Variants in FLVCR2 observed in about 807,000 individuals in gnomAD.
FLVCR2 encodes the protein FLVCR choline and putative heme transporter 2.
FLVCR2 carries 38 observed loss-of-function variants against 48.9 expected under a neutral mutation model. The ratio of observed to expected loss-of-function variants is 0.78; its 90% CI spans 0.60 to 1.02. The LOEUF is 1.02. Ranked by LOEUF, FLVCR2 falls within the 50% of genes least tolerant of loss-of-function variation. The pLI is 0.00. For missense variants in FLVCR2, 664 were observed against 663.3 expected (o/e 1.00, Z -0.01); for synonymous variants, 255 against 257.0 (o/e 0.99, Z 0.07).
chr14:75,621,504 G>T (rs1355964098), intron 1 of FLVCR2, among the ~76,000 whole-genome samples: 1 of 152,024 alleles, frequency 6.6e-6, no homozygotes, highest in African/African-American at 2.4e-5. Context: ...TCTCCTATGT[G>T]TATAAATTTA....
chr14:75,581,061 A>T (rs139781703), intron 1 of FLVCR2, among the ~76,000 whole-genome samples: 1 of 152,160 alleles, frequency 6.6e-6, no homozygotes, highest in African/African-American at 2.4e-5. Flanking sequence ...GATTAGGGGC[A>T]GCGTGGGAAC....
Position 75,596,190 on chromosome 14 carries a change from G to T in FLVCR2, c.669+16549G>T, listed in dbSNP as rs112062209. The T allele has an allele frequency of 1.2e-5, 9 of 722,794 alleles. No individual in the cohort carries two copies. In the Admixed American group the frequency reaches 1.5e-4, roughly 12 times the overall value. The allele number at this position is 722,794 out of a possible 1,614,324, so 44.8% of individuals were successfully genotyped here. A position where few individuals can be genotyped will look rare whatever the true frequency, so the allele number is the denominator to read the frequency against. On this transcript the variant is annotated intron_variant, in intron 1 of 9. Coordinates refer to ENST00000238667, the MANE Select transcript of FLVCR2 (RefSeq NM_017791.3). The stretch of plus-strand genomic sequence containing the variant: ...GATCATGAACTTTCTAGTGTGGATA[G>T]TTACTGTGTCGTTCATGATGGTGGT...
intron 1 of FLVCR2, among the ~76,000 whole-genome samples, chr14:75,583,993 G>A (rs74248913): frequency 0.23 from 34,790 of 152,126 alleles, 4,219 homozygotes; most frequent in East Asian, 0.32. Context: ...GGAACATTGG[G>A]TTTGGGCTCC....
chr14:75,637,150 C>A lies in FLVCR2; in HGVS notation c.1124+2137C>A, dbSNP rs188085392. Among the ~76,000 whole-genome samples, 1,099 of 152,366 alleles carry A rather than the reference C, an allele frequency of 7.2e-3. 10 individuals carry two copies. The highest frequency in any genetic ancestry group is 9.1e-3 in the Non-Finnish European group (617 of 68,042). The stretch of plus-strand genomic sequence containing the variant: ...AGCAGAAGGGACACAGGTTTCAAAT[C>A]CAGCTTTGAGTTCACATCTCAGCTC... On this transcript the variant is annotated intron_variant, in intron 5 of 9. Transcript: ENST00000238667.
intron 1 of FLVCR2, chr14:75,596,235 G>T: frequency 1.6e-6 from 1 of 628,008 alleles, no homozygotes; most frequent in Non-Finnish European, 2.9e-6. Flanking sequence ...GACAGCCAGG[G>T]AGGAAAAGCA....
At chr14:75,599,418 A>G (rs192364414) in intron 1 of FLVCR2, among the ~76,000 whole-genome samples, 13 of 152,302 alleles carry the variant, frequency 8.5e-5, no homozygotes, top group African/African-American at 2.9e-4. Flanking sequence ...AAAGTCAAGT[A>G]TATTGGAAAC....
intron 4 of FLVCR2, among the ~76,000 whole-genome samples, chr14:75,634,052 A>G (rs1157693940): frequency 6.6e-6 from 1 of 151,930 alleles, no homozygotes; most frequent in East Asian, 1.9e-4. Context: ...ACATGTATTT[A>G]TTATACAGCA....
rs1035882906 is a variant in FLVCR2, at chr14:75,640,765, T to C, written c.1236-190T>C. 361 of 634,494 alleles carry C rather than the reference T, an allele frequency of 5.7e-4. 1 individual carries two copies. The highest frequency in any genetic ancestry group is 1.2e-4 in the Non-Finnish European group (42 of 352,112). 39.3% of individuals were successfully genotyped at this position (634,494 alleles called of 1,614,324 possible). A position where few individuals can be genotyped will look rare whatever the true frequency, so the allele number is the denominator to read the frequency against. ...AGCACAAGGTCTCCCTGTGAACTTC[T>C]TCCTGGCCTTCAGGGGTGCCCGTCT... On this transcript the variant is annotated intron_variant, in intron 6 of 9. Transcript: ENST00000238667.
chr14:75,606,034 T>A (rs1487278443), intron 1 of FLVCR2: 1 of 201,770 alleles, frequency 5.0e-6, no homozygotes, highest in African/African-American at 2.3e-5. Context: ...TTGTTTCGTT[T>A]TTTGAAACAG....
intron 1 of FLVCR2, among the ~76,000 whole-genome samples, chr14:75,606,958 A>G (rs76686151): frequency 6.6e-6 from 1 of 151,938 alleles, no homozygotes; most frequent in South Asian, 2.1e-4. Context: ...AAAAAAAAAA[A>G]GCAAATTCCT....
At chr14:75,636,311 G>A (rs1890165958) in intron 5 of FLVCR2, among the ~76,000 whole-genome samples, 1 of 152,146 alleles carries the variant, frequency 6.6e-6, no homozygotes, top group Admixed American at 6.5e-5. Context: ...CATCCCTAGG[G>A]AGGTGGCGAC....
At chr14:75,625,478 T>C (rs1340383729) in intron 3 of FLVCR2, among the ~76,000 whole-genome samples, 1 of 152,006 alleles carries the variant, frequency 6.6e-6, no homozygotes, top group East Asian at 1.9e-4. Context: ...CAGAGCCTCA[T>C]AGCATTCCAC....
chr14:75,634,916 G>T lies in FLVCR2; in HGVS notation c.1027G>T (p.Glu343Ter). The T allele has an allele frequency of 1.2e-6, 2 of 1,612,078 alleles. No homozygotes were observed. Among genetic ancestry groups the T allele is most frequent in the South Asian group, 1.1e-5 (1 of 90,944 alleles). ...GGGGTTATGGTTTCCCCAGGGGGAA[G>T]AAGTGAATGCTGGAAGAATTGGCCT... ...RMVIWHYPGE[E>*]VNAGRIGLTI... is the part of the protein sequence containing the mutation. The change falls in exon 5 of 10, where the codon GAA becomes TAA. Residue 343 changes from glutamate (E) to a stop codon, truncating the protein, a stop_gained. Coordinates refer to ENST00000238667, the MANE Select transcript of FLVCR2 (RefSeq NM_017791.3). LOFTEE classifies it high-confidence loss of function.
chr14:75,609,206 G>T (rs1487531535), intron 1 of FLVCR2, among the ~76,000 whole-genome samples: 1 of 152,314 alleles, frequency 6.6e-6, no homozygotes, highest in East Asian at 1.9e-4. Context: ...GAAGGTCCCT[G>T]TTGGCAATAG....
intron 2 of FLVCR2, among the ~76,000 whole-genome samples, chr14:75,624,051 CAA>C (rs113146700): frequency 2.0e-5 from 3 of 146,958 alleles, no homozygotes; most frequent in African/African-American, 7.5e-5. Context: ...GACTTCGTCT[CAA>C]AAAAAAAAGA....
In FLVCR2 at chr14:75,642,035, A is replaced by G. The variant is rs149829949; in HGVS notation, c.1509+137A>G. On this transcript the variant is annotated intron_variant, in intron 9 of 9. Transcript: ENST00000238667. ...GCTGGGAGACCAGTTCATCCCTTACACATGGCATCCTAAGACTTTCCTCAG... is the reference window on the plus strand; with the variant it reads ...GCTGGGAGACCAGTTCATCCCTTACGCATGGCATCCTAAGACTTTCCTCAG... The G allele has an allele frequency of 3.3e-5, 26 of 778,190 alleles. No homozygotes were observed. The East Asian group carries it at 6.3e-4, about 19-fold the overall frequency. The allele number at this position is 778,190 out of a possible 1,614,324, so 48.2% of individuals were successfully genotyped here.
In FLVCR2 at chr14:75,579,093, A is replaced by G. The variant is rs1888527483; in HGVS notation, c.121A>G (p.Ile41Val). 6.2e-7 allele frequency: 1 copy of G among 1,613,824 alleles called. No individual in the cohort carries two copies. Among genetic ancestry groups the G allele is most frequent in the Non-Finnish European group, 8.5e-7 (1 of 1,179,876 alleles). The change falls in exon 1 of 10, where the codon ATC (isoleucine) becomes GTC (valine). Residue 41 changes from isoleucine to valine, a missense_variant. By Grantham distance (29) the Ile-to-Val change is conservative. Transcript: ENST00000238667. The stretch of plus-strand genomic sequence containing the variant: ...CGTCTCGGTCCATCCCAGCGTCTCC[A>G]TCAACCCCAGCGTCTCTGTCCACCC... ...PSVSVHPSVS[I>V]NPSVSVHPSS... is the part of the protein sequence containing the mutation.
chr14:75,616,047 A>AAAAAAAAAAAAAG (rs1259725425), intron 1 of FLVCR2, among the ~76,000 whole-genome samples: 1 of 148,150 alleles, frequency 6.7e-6, no homozygotes, highest in Non-Finnish European at 1.5e-5. Flanking sequence ...AAAAAAAAAA[A>AAAAAAAAAAAAAG]ATAGCGTAAG....
At chr14:75,623,918 G>A (rs1426214451) in intron 2 of FLVCR2, among the ~76,000 whole-genome samples, 1 of 152,184 alleles carries the variant, frequency 6.6e-6, no homozygotes, top group Non-Finnish European at 1.5e-5. Context: ...AGGCATTGGT[G>A]GTGTATGCCT....
Sources: gnomAD v4.1 joint callset for allele counts (sites outside exome capture counted in the v4.1 genomes callset) on GRCh38, gnomAD v4.1.1 for gene constraint, MANE v1.5 for transcripts, NCBI Gene and HGNC (gene_info 2026-07-23, HGNC 2026-07-21) for gene names.